The following HHAT variants were observed in gnomAD, a reference collection of about 807,000 sequenced individuals.
The protein encoded by HHAT is protein-cysteine N-palmitoyltransferase HHAT.
A neutral mutation model predicts 70.8 loss-of-function variants in HHAT; 47 were observed. That is an observed-to-expected ratio of 0.66 (90% CI 0.53 to 0.85). The LOEUF (loss-of-function observed/expected upper bound fraction) is 0.85, where lower values mean the gene tolerates loss of function less well. HHAT is among the 40% of genes least tolerant of loss of function. The probability of loss-of-function intolerance (pLI) is 0.00; values close to 1 mark genes in which losing one functional copy is unlikely to be tolerated. For synonymous variants in HHAT, 228 were observed against 247.6 expected, an observed-to-expected ratio of 0.92 and a Z score of 0.74; for missense variants, 609 against 604.8, an observed-to-expected ratio of 1.01 and a Z score of -0.07.
rs370700395 is a variant in HHAT at position 210,381,929 on chromosome 1, A to G, written c.160-5539A>G. 8.5e-5 allele frequency among the ~76,000 whole-genome samples: 13 copies of G among 152,266 alleles called. No individual in the cohort carries two copies. The East Asian group carries it at 1.9e-3, about 23-fold the overall frequency. The stretch of plus-strand genomic sequence containing the variant: ...GGCTTGGTACTTTACATTTTAGTCT[A>G]TTGACCAGGCCTTATTAGCTATGCG... On this transcript the variant is annotated intron_variant, in intron 3 of 11. Transcript: ENST00000261458.
rs1365955016 is a variant in HHAT at position 210,479,256 on chromosome 1, A to G, written c.1007+14601A>G. ...CAGAATGAATTGTACCTGAAAGTCCAAATTCTCTTTGGTCAAGGAGTATTT... is the reference window on the plus strand; with the variant it reads ...CAGAATGAATTGTACCTGAAAGTCCGAATTCTCTTTGGTCAAGGAGTATTT... On this transcript the variant is annotated intron_variant, in intron 8 of 11. Transcript: ENST00000261458. 2.0e-5 allele frequency among the ~76,000 whole-genome samples: 3 copies of G among 152,192 alleles called. No individual in the cohort carries two copies. The East Asian group carries it at 5.8e-4, about 29-fold the overall frequency.
chr1:210,508,153 C>A (rs2094893443), intron 8 of HHAT, among the ~76,000 whole-genome samples: 1 of 141,132 alleles, frequency 7.1e-6, no homozygotes, highest in South Asian at 2.3e-4. Flanking sequence ...GAGCCGAGAT[C>A]ATGCCACTGC....
At chr1:210,606,604 T>C (rs1665503388) in intron 10 of HHAT, among the ~76,000 whole-genome samples, 1 of 152,224 alleles carries the variant, frequency 6.6e-6, no homozygotes, top group Non-Finnish European at 1.5e-5. Context: ...GCACTGATGC[T>C]TCCCTTCTCC....
chr1:210,573,776 A>G (rs1251810727), intron 9 of HHAT, among the ~76,000 whole-genome samples: 1 of 151,808 alleles, frequency 6.6e-6, no homozygotes, highest in Non-Finnish European at 1.5e-5. Context: ...TTCCCTCCAA[A>G]CCCCACAGCA....
At chr1:210,562,677 T>C (rs2095634405) in intron 9 of HHAT, among the ~76,000 whole-genome samples, 1 of 151,952 alleles carries the variant, frequency 6.6e-6, no homozygotes, top group Admixed American at 6.6e-5. Flanking sequence ...TATTATACTT[T>C]AAGTTTTAGA....
At chr1:210,350,592 A>T (rs1308597984) in intron 2 of HHAT, among the ~76,000 whole-genome samples, 2 of 152,236 alleles carry the variant, frequency 1.3e-5, no homozygotes, top group Admixed American at 6.5e-5. Flanking sequence ...GATATATAGG[A>T]AAGCAATTGA....
intron 2 of HHAT, among the ~76,000 whole-genome samples, chr1:210,349,799 C>T (rs922583212): frequency 2.0e-5 from 3 of 151,936 alleles, no homozygotes; most frequent in African/African-American, 7.3e-5. Context: ...TTCAGGTGCC[C>T]ACCACCACGC....
intron 11 of HHAT, among the ~76,000 whole-genome samples, chr1:210,654,661 C>T (rs901871892): frequency 6.6e-6 from 1 of 152,178 alleles, no homozygotes; most frequent in African/African-American, 2.4e-5. Context: ...TGATGAGAGT[C>T]GCATGATGGT....
At chr1:210,550,503 T>G (rs2095519035) in intron 9 of HHAT, among the ~76,000 whole-genome samples, 1 of 149,038 alleles carries the variant, frequency 6.7e-6, no homozygotes, top group Non-Finnish European at 1.5e-5. Flanking sequence ...TATGAAGCTG[T>G]GAGCACGGTA....
At chr1:210,425,924 G>T (rs981945134) in intron 7 of HHAT, among the ~76,000 whole-genome samples, 14 of 152,072 alleles carry the variant, frequency 9.2e-5, no homozygotes, top group African/African-American at 3.1e-4. Context: ...CCTATAAATT[G>T]CTTTGAGCAG....
intron 3 of HHAT, among the ~76,000 whole-genome samples, chr1:210,375,754 A>G (rs999307087): frequency 8.6e-5 from 13 of 150,768 alleles, no homozygotes; most frequent in African/African-American, 3.2e-4. Flanking sequence ...CCAATGTCAG[A>G]TCTTTTGTTC....
intron 2 of HHAT, among the ~76,000 whole-genome samples, chr1:210,351,857 G>T (rs777990762): frequency 7.2e-5 from 11 of 152,154 alleles, no homozygotes; most frequent in Non-Finnish European, 1.5e-4. Context: ...CTCATTTATT[G>T]GTCAAAGCAA....
intron 2 of HHAT, among the ~76,000 whole-genome samples, chr1:210,350,586 T>C (rs1225942564): frequency 2.0e-5 from 3 of 152,240 alleles, no homozygotes; most frequent in Non-Finnish European, 2.9e-5. Context: ...ATTGCTGATA[T>C]ATAGGAAAGC....
intron 7 of HHAT, among the ~76,000 whole-genome samples, chr1:210,443,107 T>C (rs2093559410): frequency 6.6e-6 from 1 of 152,148 alleles, no homozygotes; most frequent in Admixed American, 6.5e-5. Flanking sequence ...AGGGAATCCT[T>C]TCCCCATTGC....
intron 9 of HHAT, among the ~76,000 whole-genome samples, chr1:210,528,359 C>T (rs944696343): frequency 4.7e-4 from 71 of 152,086 alleles, no homozygotes; most frequent in African/African-American, 1.5e-3. Context: ...GTGTTCCGGG[C>T]GCTAAGAGTG....
At position 210,561,873 on chromosome 1, in the gene HHAT, G is replaced by A. The variant is rs184232035; in HGVS notation, c.1044-26025G>A. Among the ~76,000 whole-genome samples the A allele has an allele frequency of 2.3e-3, 351 of 152,278 alleles. 1 individual carries two copies. The highest frequency in any genetic ancestry group is 8.2e-3 in the African/African-American group (341 of 41,552). ...TGAGGATACACTCCCTGAAGGTGGG[G>A]ACTGTGTCTCTGGCATCTTCATTTT... On this transcript the variant is annotated intron_variant, in intron 9 of 11. Transcript: ENST00000261458.
At chr1:210,591,478 G>A (rs968902450) in intron 10 of HHAT, among the ~76,000 whole-genome samples, 9 of 151,952 alleles carry the variant, frequency 5.9e-5, no homozygotes, top group Non-Finnish European at 1.3e-4. Context: ...TCCAAATCTT[G>A]GCTATTGTGA....
At chr1:210,635,850 G>A (rs1172046740) in intron 11 of HHAT, among the ~76,000 whole-genome samples, 4 of 152,200 alleles carry the variant, frequency 2.6e-5, no homozygotes, top group Admixed American at 1.3e-4. Flanking sequence ...AAGAGGGGAC[G>A]CTTTGCGGAG....
chr1:210,648,875 T>C (rs1674586186), intron 11 of HHAT, among the ~76,000 whole-genome samples: 1 of 152,260 alleles, frequency 6.6e-6, no homozygotes, highest in Non-Finnish European at 1.5e-5. Flanking sequence ...GCATTTGAGT[T>C]AACATGCCTG....
Sources: allele counts gnomAD v4.1 joint callset (sites outside exome capture counted in the v4.1 genomes callset), GRCh38; gene constraint gnomAD v4.1.1; transcripts MANE v1.5; gene names NCBI Gene and HGNC (gene_info 2026-07-23, HGNC 2026-07-21).